Variants in KIF3C observed in about 807,000 individuals in gnomAD.
KIF3C encodes the protein kinesin family member 3C.
In KIF3C, 12 loss-of-function variants were observed where a neutral mutation model predicts 67.7. The ratio of observed to expected loss-of-function variants is 0.18; its 90% confidence interval spans 0.11 to 0.29. The LOEUF (loss-of-function observed/expected upper bound fraction) is 0.29. Among genes scored for constraint, KIF3C ranks in the 10% least tolerant of loss-of-function variants. KIF3C has a pLI of 1.00. For synonymous variants in KIF3C, 393 were observed against 426.2 expected, an observed-to-expected ratio of 0.92 and a Z score of 0.96; for missense variants, 789 against 1,059.6, an observed-to-expected ratio of 0.74 and a Z score of 3.55.
At chr2:25,939,891 A>T (rs1168054373) in intron 5 of KIF3C, among the ~76,000 whole-genome samples, 1 of 152,154 alleles carries the variant, frequency 6.6e-6, no homozygotes, top group Non-Finnish European at 1.5e-5. Context: ...TGGAGGTTGC[A>T]GTGAGCCAAG....
rs1401924938 is a variant in KIF3C, at chr2:25,962,981, A to ACT, written c.1546-6538_1546-6537insAG. Among the ~76,000 whole-genome samples, 8 of 44,088 alleles carry ACT rather than the reference A, an allele frequency of 1.8e-4. No individual in the cohort carries two copies. The South Asian group carries it at 4.2e-3, about 23-fold the overall frequency. 28.9% of individuals were successfully genotyped at this position (44,088 alleles called of 152,430 possible). A position where few individuals can be genotyped will look rare whatever the true frequency, so the allele number is the denominator to read the frequency against. Reference sequence around the variant, plus strand: ...ATAATATATATAATATATAATATATAATATATAATATATATAATATATAAT... The same window carrying ACT: ...ATAATATATATAATATATAATATATACTATATATAATATATATAATATATAAT... On this transcript the variant is annotated intron_variant, in intron 1 of 7. Transcript: ENST00000264712.
At chr2:25,939,864 C>T (rs551135456) in intron 5 of KIF3C, among the ~76,000 whole-genome samples, 1 of 152,006 alleles carries the variant, frequency 6.6e-6, no homozygotes, top group African/African-American at 2.4e-5. Flanking sequence ...GCACAAGAAT[C>T]GCTTGAACCT....
intron 5 of KIF3C, among the ~76,000 whole-genome samples, chr2:25,943,256 A>G (rs963075135): frequency 6.6e-6 from 1 of 152,142 alleles, no homozygotes; most frequent in Admixed American, 6.6e-5. Context: ...GGAGTGGAGA[A>G]GTTTGCTTCA....
rs201717639 is a variant in KIF3C at position 25,981,435 on chromosome 2, C to G, written c.483G>C (p.Pro161=). The change falls in exon 1 of 8, where the codon CCG becomes CCC. Residue 161 remains proline (P), a synonymous_variant. Coordinates refer to ENST00000264712, the MANE Select transcript of KIF3C (RefSeq NM_002254.8). The surrounding 1 kb of genome is among the most constrained non-coding windows in gnomAD (Gnocchi z 8.2). ...EEIRDLLSKE[P]GKRLELKENP... ...TCTCTTTCAGCTCTAGCCTCTTGCC[C>G]GGCTCCTTGGAGAGCAGGTCTCGAA... 1.2e-6 allele frequency: 2 copies of G among 1,614,040 alleles called. No individual in the cohort carries two copies. Among genetic ancestry groups the G allele is most frequent in the African/African-American group, 2.7e-5 (2 of 74,894 alleles).
intron 1 of KIF3C, among the ~76,000 whole-genome samples, chr2:25,962,943 TA>T (rs1162771493): frequency 0.13 from 5,340 of 40,740 alleles, 738 homozygotes; most frequent in African/African-American, 0.27. Context: ...ATATAATATA[TA>T]ATATATAATA....
rs1407198006 is a variant in KIF3C, at chr2:25,980,784, T to C, written c.1134A>G (p.Thr378=). The change falls in exon 1 of 8, where the codon ACA becomes ACG. Residue 378 remains threonine (T), a synonymous_variant. Transcript: ENST00000264712. The surrounding 1 kb of genome is among the most constrained non-coding windows in gnomAD (Gnocchi z 7.6). The part of the protein sequence containing the change: ...KPRVNEDPKD[T]LLREFQEEIA... ...TCTCCTCTTGGAATTCCCGCAGCAG[T>C]GTGTCCTTGGGGTCCTCGTTCACCC... 1.2e-6 allele frequency: 2 copies of C among 1,614,084 alleles called. No individual in the cohort carries two copies. The highest frequency in any genetic ancestry group is 1.3e-5 in the African/African-American group (1 of 74,924).
chr2:25,944,869 G>A (rs559999133), intron 5 of KIF3C, among the ~76,000 whole-genome samples: 2 of 152,104 alleles, frequency 1.3e-5, no homozygotes, highest in South Asian at 4.2e-4. Context: ...TGTGGCTCAC[G>A]CCTGTAATCC....
intron 5 of KIF3C, among the ~76,000 whole-genome samples, chr2:25,943,442 C>T (rs1663346231): frequency 6.6e-6 from 1 of 152,214 alleles, no homozygotes; most frequent in Non-Finnish European, 1.5e-5. Context: ...TCTGCTAAGT[C>T]AGAATCACAA....
rs548034783 is a variant in KIF3C at position 25,948,602 on chromosome 2, G to T, written c.2006+3187C>A. 7.5e-5 allele frequency among the ~76,000 whole-genome samples: 11 copies of T among 146,302 alleles called. No homozygotes were observed. In the South Asian group the frequency reaches 2.2e-3, roughly 29 times the overall value. On this transcript the variant is annotated intron_variant, in intron 5 of 7. Transcript: ENST00000264712. ...AAATAAAGAAAGGGAGAAAGAGAAA[G>T]AAAGAAAGAGAAAGAGAAAGAGAGA... is the stretch of plus-strand genomic sequence containing the variant.
chr2:25,953,310 T>C lies in KIF3C; in HGVS notation c.1889+957A>G, dbSNP rs573547318. On this transcript the variant is annotated intron_variant, in intron 4 of 7. Coordinates refer to ENST00000264712, the MANE Select transcript of KIF3C (RefSeq NM_002254.8). ...AATGTATCCCATCAATATTAATATA[T>C]GCAACTACTATATACACACATTTTT... Among the ~76,000 whole-genome samples the C allele has an allele frequency of 3.3e-5, 5 of 152,162 alleles. No individual in the cohort carries two copies. The South Asian group carries it at 1.0e-3, about 32-fold the overall frequency.
rs1559560316 is a variant in KIF3C at position 25,981,110 on chromosome 2, C to G, written c.808G>C (p.Gly270Arg). ...TAGGAATPSS[G>R]GGGGGGGSGG... ...CTGCCTCCACCGCCACCACCGCCAC[C>G]CGAGGATGGTGTGGCTGCCCCTCCC... The change falls in exon 1 of 8, where the codon GGT (glycine) becomes CGT (arginine). Residue 270 changes from glycine to arginine, a missense_variant. By Grantham distance (125) the Gly-to-Arg change is moderately radical. Transcript: ENST00000264712. The surrounding 1 kb of genome is among the most constrained non-coding windows in gnomAD (Gnocchi z 8.2). The G allele has an allele frequency of 2.5e-6, 4 of 1,614,120 alleles. No homozygotes were observed. The highest frequency in any genetic ancestry group is 3.4e-6 in the Non-Finnish European group (4 of 1,180,052).
At chr2:25,976,298 G>A (rs1219168903) in intron 1 of KIF3C, among the ~76,000 whole-genome samples, 1 of 152,106 alleles carries the variant, frequency 6.6e-6, no homozygotes, top group Non-Finnish European at 1.5e-5. Context: ...CTCCAGCCAA[G>A]AACCCCAGCT....
At chr2:25,969,238 T>C (rs1458477933) in intron 1 of KIF3C, among the ~76,000 whole-genome samples, 1 of 152,170 alleles carries the variant, frequency 6.6e-6, no homozygotes, top group Non-Finnish European at 1.5e-5. Context: ...CCCTGGATTT[T>C]CCTCAATTAT....
intron 5 of KIF3C, among the ~76,000 whole-genome samples, chr2:25,934,872 CTA>C (rs1663042606): frequency 6.6e-6 from 1 of 151,698 alleles, no homozygotes; most frequent in Non-Finnish European, 1.5e-5. Context: ...CTGTAGCGTG[CTA>C]TGATTGTGCC....
chr2:25,970,994 C>T (rs1361843300), intron 1 of KIF3C, among the ~76,000 whole-genome samples: 2 of 139,300 alleles, frequency 1.4e-5, no homozygotes, highest in Non-Finnish European at 3.1e-5. Flanking sequence ...AAAAAAGGGC[C>T]GGGCACAGTG....
intron 1 of KIF3C, among the ~76,000 whole-genome samples, chr2:25,975,080 A>G (rs1559558613): frequency 6.6e-6 from 1 of 151,086 alleles, no homozygotes; most frequent in African/African-American, 2.4e-5. Flanking sequence ...GCTTCTTTCT[A>G]AACTCCACTG....
At chr2:25,967,437 C>A (rs909449012) in intron 1 of KIF3C, among the ~76,000 whole-genome samples, 11 of 152,208 alleles carry the variant, frequency 7.2e-5, no homozygotes, top group African/African-American at 2.4e-4. Context: ...AAACCTAGCT[C>A]TTCAGCCCTT....
rs150310369 is a variant in KIF3C, at chr2:25,959,241, G to A, written c.1546-2797C>T. ...CTGATCCCCTTGAAATTGCTCTTTC[G>A]GGCCCCCTCAGTAACCAGGCCATAT... is the stretch of plus-strand genomic sequence containing the variant. On this transcript the variant is annotated intron_variant, in intron 1 of 7. Coordinates refer to ENST00000264712, the MANE Select transcript of KIF3C (RefSeq NM_002254.8). Among the ~76,000 whole-genome samples, 21 of 152,062 alleles carry A rather than the reference G, an allele frequency of 1.4e-4. No individual in the cohort carries two copies. In the East Asian group the frequency reaches 3.1e-3, roughly 22 times the overall value.
intron 1 of KIF3C, among the ~76,000 whole-genome samples, chr2:25,961,855 C>A (rs1289064422): frequency 6.6e-6 from 1 of 150,434 alleles, no homozygotes; most frequent in Non-Finnish European, 1.5e-5. Context: ...GAGGCCGAGG[C>A]AGGAGAATCG....
Sources: allele counts gnomAD v4.1 joint callset (sites outside exome capture counted in the v4.1 genomes callset), GRCh38; gene constraint gnomAD v4.1.1; non-coding constraint Gnocchi (gnomAD v3.1); transcripts MANE v1.5; gene names NCBI Gene and HGNC (gene_info 2026-07-23, HGNC 2026-07-21).